The following SV2B variants were observed in gnomAD, a reference collection of about 807,000 sequenced individuals.
SV2B encodes synaptic vesicle glycoprotein 2B, also known as solute carrier family 22 member B2.
Under a neutral mutation model 73.9 loss-of-function variants are expected in SV2B, and 41 were observed. The observed-to-expected ratio is 0.56, with a 90% CI of 0.43 to 0.72. The LOEUF (loss-of-function observed/expected upper bound fraction) is 0.72. SV2B is among the 30% of genes least tolerant of loss of function. The pLI, the probability that SV2B is intolerant of heterozygous loss-of-function variation, is 0.00. For missense variants in SV2B, 764 were observed against 857.8 expected, an observed-to-expected ratio of 0.89 and a Z score of 1.37; for synonymous variants, 314 against 314.2, an observed-to-expected ratio of 1.00 and a Z score of 0.01.
intron 1 of SV2B, among the ~76,000 whole-genome samples, chr15:91,156,209 G>A (rs929753009): frequency 6.6e-6 from 1 of 152,176 alleles, no homozygotes; most frequent in Non-Finnish European, 1.5e-5. Flanking sequence ...AAATGCCTCA[G>A]TAAGCTTGCA....
intron 1 of SV2B, among the ~76,000 whole-genome samples, chr15:91,163,815 G>A (rs1596502056): frequency 6.6e-6 from 1 of 152,182 alleles, no homozygotes; most frequent in African/African-American, 2.4e-5. Flanking sequence ...TGCTTTTGGT[G>A]TTTTAGTCAT....
chr15:91,153,408 G>C (rs2043376711), intron 1 of SV2B, among the ~76,000 whole-genome samples: 1 of 152,154 alleles, frequency 6.6e-6, no homozygotes, highest in Admixed American at 6.5e-5. Flanking sequence ...ACAGGCTCAG[G>C]ATGGAATCAG....
At chr15:91,238,319 C>T (rs372254301) in intron 2 of SV2B, among the ~76,000 whole-genome samples, 23 of 152,204 alleles carry the variant, frequency 1.5e-4, no homozygotes, top group African/African-American at 5.1e-4. Context: ...TTATAATGAC[C>T]TGAAAGACAA....
At position 91,294,008 on chromosome 15, in the gene SV2B, A is replaced by G. The variant is rs2049134660; in HGVS notation, c.*1456A>G. The stretch of plus-strand genomic sequence containing the variant: ...AGGAAAAACATCAGAACTGTCTGAC[A>G]ATGGAGGGGACAGTGAGCTACGCAC... On this transcript the variant is annotated 3_prime_UTR_variant, in exon 13 of 13. Transcript: ENST00000394232. The surrounding 1 kb of genome is among the most constrained non-coding windows in gnomAD (Gnocchi z 4.1). 6.6e-6 allele frequency: 1 copy of G among 152,238 alleles called. No homozygotes were observed. 9.4% of individuals were successfully genotyped at this position (152,238 alleles called of 1,614,324 possible). A position where few individuals can be genotyped will look rare whatever the true frequency, so the allele number is the denominator to read the frequency against.
chr15:91,237,057 T>C (rs963359928), intron 2 of SV2B, among the ~76,000 whole-genome samples: 3 of 152,034 alleles, frequency 2.0e-5, no homozygotes, highest in African/African-American at 4.8e-5. Flanking sequence ...ATTCTATTTG[T>C]TGAGATAGTA....
chr15:91,250,281 A>G (rs543250475), intron 2 of SV2B, among the ~76,000 whole-genome samples: 2 of 151,994 alleles, frequency 1.3e-5, no homozygotes, highest in African/African-American at 4.8e-5. Flanking sequence ...TCATCTTAAT[A>G]GATGCAGAAA....
At chr15:91,176,954 G>T (rs2044333521) in intron 1 of SV2B, among the ~76,000 whole-genome samples, 1 of 152,172 alleles carries the variant, frequency 6.6e-6, no homozygotes, top group South Asian at 2.1e-4. Flanking sequence ...TTTTAGACAT[G>T]AAGTCCTTGC....
At chr15:91,182,359 G>A (rs1178567979) in intron 1 of SV2B, among the ~76,000 whole-genome samples, 1 of 152,208 alleles carries the variant, frequency 6.6e-6, no homozygotes, top group South Asian at 2.1e-4. Context: ...CACATAGCAA[G>A]TTCTCGATTA....
In SV2B at chr15:91,229,605, C is replaced by T. The variant is rs1306077853; in HGVS notation, c.451+2891C>T. 6.6e-6 allele frequency among the ~76,000 whole-genome samples: 1 copy of T among 152,058 alleles called. No homozygotes were observed. Among genetic ancestry groups the T allele is most frequent in the Non-Finnish European group, 1.5e-5 (1 of 68,016 alleles). On this transcript the variant is annotated intron_variant, in intron 2 of 12. Transcript: ENST00000394232. The surrounding 1 kb of genome is among the most constrained non-coding windows in gnomAD (Gnocchi z 4.3). ...CTCTGTGCCTTGGTTTCCTTGTTTG[C>T]AAAATGGAGATAATAATAGTATCTA...
chr15:91,114,156 C>T (rs1309753630), intron 1 of SV2B, among the ~76,000 whole-genome samples: 2 of 135,650 alleles, frequency 1.5e-5, no homozygotes, highest in Non-Finnish European at 1.5e-5. Flanking sequence ...TGCACTCCAG[C>T]CTGGGCGACA....
At position 91,245,204 on chromosome 15, in the gene SV2B, A is replaced by G. The variant is rs1029268836; in HGVS notation, c.452-6615A>G. On this transcript the variant is annotated intron_variant, in intron 2 of 12. Coordinates refer to ENST00000394232, the MANE Select transcript of SV2B (RefSeq NM_001323032.3). The surrounding 1 kb of genome is among the most constrained non-coding windows in gnomAD (Gnocchi z 4.2). ...TGATATCTGCCAGCTCTCTAGAAGG[A>G]TATTTGGCATTGTGTCTCAAGAGCC... is the stretch of plus-strand genomic sequence containing the variant. 4.6e-5 allele frequency among the ~76,000 whole-genome samples: 7 copies of G among 152,282 alleles called. No individual in the cohort carries two copies. The highest frequency in any genetic ancestry group is 3.4e-3 in the Middle Eastern group (1 of 294).
chr15:91,208,687 C>G (rs2100128719), intron 1 of SV2B, among the ~76,000 whole-genome samples: 1 of 152,206 alleles, frequency 6.6e-6, no homozygotes, highest in African/African-American at 2.4e-5. Flanking sequence ...CTTTCCCCCT[C>G]CTTGTATATG....
intron 1 of SV2B, among the ~76,000 whole-genome samples, chr15:91,125,968 G>C (rs2042471326): frequency 1.3e-5 from 2 of 151,946 alleles, no homozygotes; most frequent in South Asian, 4.2e-4. Flanking sequence ...GATGTTTGTT[G>C]AGTGCTACTT....
chr15:91,212,142 G>T (rs2045890417), intron 1 of SV2B, among the ~76,000 whole-genome samples: 1 of 152,170 alleles, frequency 6.6e-6, no homozygotes, highest in African/African-American at 2.4e-5. Flanking sequence ...TGAGCCTCCA[G>T]GTAGATTTGT....
chr15:91,146,028 T>C (rs184422708), intron 1 of SV2B, among the ~76,000 whole-genome samples: 5 of 152,358 alleles, frequency 3.3e-5, no homozygotes, highest in Admixed American at 3.3e-4. Flanking sequence ...GCCATTGCTT[T>C]TGGTGTCTTC....
intron 1 of SV2B, among the ~76,000 whole-genome samples, chr15:91,138,921 GA>G (rs2042922467): frequency 6.6e-6 from 1 of 152,166 alleles, no homozygotes; most frequent in Non-Finnish European, 1.5e-5. Flanking sequence ...AATTATTAAA[GA>G]AAGTGATATC....
chr15:91,192,140 A>T (rs1182568611), intron 1 of SV2B, among the ~76,000 whole-genome samples: 2 of 152,326 alleles, frequency 1.3e-5, no homozygotes, highest in East Asian at 3.9e-4. Flanking sequence ...TATTTAAAAA[A>T]TAAACCTTGT....
rs761182861 is a variant in SV2B, at chr15:91,266,611, G to A, written c.1038G>A (p.Met346Ile). The A allele has an allele frequency of 2.5e-5, 41 of 1,613,954 alleles. No homozygotes were observed. Among genetic ancestry groups the A allele is most frequent in the Non-Finnish European group, 3.3e-5 (39 of 1,180,000 alleles). ...TVSNIKTPKQ[M>I]DEFIEIQSST... ...CCAACATCAAAACTCCCAAGCAAAT[G>A]GATGAATTCATTGAGATCCAAAGTT... Residue 346 changes from methionine (M) to isoleucine (I), a missense_variant, in exon 7 of 13, where the codon ATG becomes ATA. Coordinates refer to ENST00000394232, the MANE Select transcript of SV2B (RefSeq NM_001323032.3).
Position 91,198,477 on chromosome 15 carries a change from G to GTGTGTT in SV2B, c.-391-27391_-391-27390insTTGTGT, listed in dbSNP as rs2045337456. Among the ~76,000 whole-genome samples, 3 of 151,750 alleles carry GTGTGTT rather than the reference G, an allele frequency of 2.0e-5. No individual in the cohort carries two copies. In the South Asian group the frequency reaches 6.3e-4, roughly 32 times the overall value. ...TGTATGTGTGTGTGTGTGTGTGTGT[G>GTGTGTT]TGTGTGTGTGTGTGTGTGTGTAGGT... On this transcript the variant is annotated intron_variant, in intron 1 of 12. Coordinates refer to ENST00000394232, the MANE Select transcript of SV2B (RefSeq NM_001323032.3).
Sources: allele counts gnomAD v4.1 joint callset (sites outside exome capture counted in the v4.1 genomes callset), GRCh38; gene constraint gnomAD v4.1.1; non-coding constraint Gnocchi (gnomAD v3.1); transcripts MANE v1.5; gene names NCBI Gene and HGNC (gene_info 2026-07-23, HGNC 2026-07-21).